PI4KA: variants seen among roughly 807,000 people sequenced by gnomAD.
PI4KA encodes the protein PI4-kinase alpha.
PI4KA carries 122 observed loss-of-function variants against 271.4 expected under a neutral mutation model. The ratio of observed to expected loss-of-function variants is 0.45; its 90% CI spans 0.39 to 0.52. The LOEUF (loss-of-function observed/expected upper bound fraction) is 0.52. Among genes scored for constraint, PI4KA ranks in the 20% least tolerant of loss-of-function variants. PI4KA has a pLI of 0.00. For missense variants in PI4KA, 1,969 were observed against 2,769.1 expected, an observed-to-expected ratio of 0.71 and a Z score of 6.48; for synonymous variants, 1,041 against 1,078.8, an observed-to-expected ratio of 0.96 and a Z score of 0.69.
chr22:20,779,960 C>T, intron 19 of PI4KA: 2 of 1,614,190 alleles, frequency 1.2e-6, no homozygotes, highest in African/African-American at 2.7e-5. Context: ...ATTTTGGGTA[C>T]ACACTGCGGT....
chr22:20,752,491 T>G (rs1930809806), intron 25 of PI4KA, among the ~76,000 whole-genome samples: 1 of 152,174 alleles, frequency 6.6e-6, no homozygotes, highest in Non-Finnish European at 1.5e-5. Flanking sequence ...AGGGTCTGTT[T>G]TGGCTCCCAG....
At position 20,835,182 on chromosome 22, in the gene PI4KA, T is replaced by G. The variant is rs371111734; in HGVS notation, c.274-527A>C. ...CATGTTTCCTCTTGTTCTTCTCAAGTTGAGCATCAGACTTTATAGCCAACT... is the reference window on the plus strand; with the variant it reads ...CATGTTTCCTCTTGTTCTTCTCAAGGTGAGCATCAGACTTTATAGCCAACT... On this transcript the variant is annotated intron_variant, in intron 2 of 54. Transcript: ENST00000255882. Among the ~76,000 whole-genome samples, 16 of 152,262 alleles carry G rather than the reference T, an allele frequency of 1.1e-4. No homozygotes were observed. The South Asian group carries it at 2.9e-3, about 28-fold the overall frequency.
intron 19 of PI4KA, among the ~76,000 whole-genome samples, chr22:20,790,645 A>G (rs953021621): frequency 6.6e-6 from 1 of 151,740 alleles, no homozygotes; most frequent in African/African-American, 2.4e-5. Flanking sequence ...TGGGTGACAG[A>G]GTGAGACTCT....
At chr22:20,727,162 C>T in intron 41 of PI4KA, 68 bp downstream of exon 41, 1 of 1,438,518 alleles carries the variant, frequency 7.0e-7, no homozygotes, top group East Asian at 2.4e-5. Context: ...GGGGCCTGTG[C>T]CTCTCACCAG....
intron 3 of PI4KA, among the ~76,000 whole-genome samples, chr22:20,829,396 G>C (rs1923859122): frequency 6.6e-6 from 1 of 152,126 alleles, no homozygotes; most frequent in Non-Finnish European, 1.5e-5. Context: ...GGTTGTATAT[G>C]TCCAGGAATT....
rs2147631896 is a variant in PI4KA at position 20,807,559 on chromosome 22, A to G, written c.1072-101T>C. ...CCAGCGGAATGGTGATTCGTGACTT[A>G]GCATTCTAAATGAAGCAACTGTTTA... On this transcript the variant is annotated intron_variant, in intron 9 of 54. Transcript: ENST00000255882. The G allele has an allele frequency of 1.8e-5, 12 of 672,096 alleles. No individual in the cohort carries two copies. The South Asian group carries it at 2.0e-4, about 11-fold the overall frequency. 41.6% of individuals were successfully genotyped at this position (672,096 alleles called of 1,614,324 possible). A position where few individuals can be genotyped will look rare whatever the true frequency, so the allele number is the denominator to read the frequency against.
intron 15 of PI4KA, 35 bp downstream of exon 15, chr22:20,799,636 T>C (rs1195345490): frequency 2.8e-6 from 4 of 1,446,418 alleles, no homozygotes; most frequent in East Asian, 2.5e-5. Flanking sequence ...CTGAGAACAA[T>C]GGGCTGCCTC....
At chr22:20,786,817 G>T in intron 19 of PI4KA, 1 of 1,514,260 alleles carries the variant, frequency 6.6e-7, no homozygotes, top group South Asian at 1.1e-5. Context: ...ATTGTGCTGG[G>T]AACTCTAGCC....
At chr22:20,807,575 C>CA (rs1935738123) in intron 9 of PI4KA, 117 bp from the exon 10 acceptor site, 1 of 642,772 alleles carries the variant, frequency 1.6e-6, no homozygotes, top group Admixed American at 2.5e-5. Flanking sequence ...CTAAATGAAG[C>CA]AACTGTTTAT....
chr22:20,755,784 A>T (rs914590569), intron 23 of PI4KA, among the ~76,000 whole-genome samples: 1 of 151,716 alleles, frequency 6.6e-6, no homozygotes, highest in Non-Finnish European at 1.5e-5. Context: ...GCTGGGTGAC[A>T]GAGCGACACA....
chr22:20,748,220 G>A (rs1399560321), intron 28 of PI4KA, among the ~76,000 whole-genome samples: 4 of 152,230 alleles, frequency 2.6e-5, no homozygotes, highest in Admixed American at 1.3e-4. Flanking sequence ...TTCCCCGAGC[G>A]GCTGTCATGC....
chr22:20,797,794 C>CT (rs362055), intron 17 of PI4KA, among the ~76,000 whole-genome samples: 69,443 of 151,878 alleles, frequency 0.46, 16,461 homozygotes, highest in African/African-American at 0.57. Flanking sequence ...TGGAGAGAAT[C>CT]CAGAGGAAGG....
chr22:20,768,866 AG>A (rs1932755811), intron 19 of PI4KA, among the ~76,000 whole-genome samples: 1 of 152,228 alleles, frequency 6.6e-6, no homozygotes, highest in African/African-American at 2.4e-5. Flanking sequence ...TGGCCACAAA[AG>A]GACAGTTGAC....
intron 23 of PI4KA, among the ~76,000 whole-genome samples, chr22:20,757,523 G>T (rs1931440805): frequency 6.6e-6 from 1 of 152,028 alleles, no homozygotes; most frequent in African/African-American, 2.4e-5. Context: ...TCTCTAGAAG[G>T]CTGGCAAAAT....
chr22:20,801,642 G>C (rs1460422225), intron 14 of PI4KA, among the ~76,000 whole-genome samples: 1 of 152,054 alleles, frequency 6.6e-6, no homozygotes, highest in Admixed American at 6.5e-5. Context: ...CCAGCACTTT[G>C]GGAGACCAAG....
chr22:20,755,172 A>T (rs2147346238), intron 23 of PI4KA, among the ~76,000 whole-genome samples: 1 of 152,234 alleles, frequency 6.6e-6, no homozygotes, highest in East Asian at 1.9e-4. Context: ...CGGTAGTCTA[A>T]TCATTACAGA....
intron 23 of PI4KA, among the ~76,000 whole-genome samples, chr22:20,758,463 T>TC (rs1479388234): frequency 3.2e-4 from 47 of 146,804 alleles, no homozygotes; most frequent in African/African-American, 4.2e-4. Flanking sequence ...TCTTTTCTTT[T>TC]TTTTTTTTTT....
At position 20,708,030 on chromosome 22, in the gene PI4KA, C is replaced by T. The variant is rs1473917388; in HGVS notation, c.*17G>A. 1 of 1,603,906 alleles carries T rather than the reference C, an allele frequency of 6.2e-7. No individual in the cohort carries two copies. Among genetic ancestry groups the T allele is most frequent in the African/African-American group, 1.3e-5 (1 of 74,796 alleles). Reference sequence around the variant, plus strand: ...CTTTGAGGGCACATGGGGCAGAGGCCCTCGAAGGTCCCCTCCTCAGTAGGG... The same window carrying T: ...CTTTGAGGGCACATGGGGCAGAGGCTCTCGAAGGTCCCCTCCTCAGTAGGG... On this transcript the variant is annotated 3_prime_UTR_variant, in exon 55 of 55. Coordinates refer to ENST00000255882, the MANE Select transcript of PI4KA (RefSeq NM_058004.4).
chr22:20,856,786 T>C (rs960682363), intron 1 of PI4KA, among the ~76,000 whole-genome samples: 1 of 152,238 alleles, frequency 6.6e-6, no homozygotes, highest in Non-Finnish European at 1.5e-5. Context: ...CTAAGAATGT[T>C]GCAATTACAG....
Sources: allele counts gnomAD v4.1 joint callset (sites outside exome capture counted in the v4.1 genomes callset), GRCh38; gene constraint gnomAD v4.1.1; transcripts MANE v1.5; gene names NCBI Gene and HGNC (gene_info 2026-07-23, HGNC 2026-07-21).